AGBL4: variants seen among roughly 807,000 people sequenced by gnomAD.
AGBL4 encodes cytosolic carboxypeptidase 6.
Under a neutral mutation model 66.4 loss-of-function variants are expected in AGBL4, and 58 were observed. The observed-to-expected ratio is 0.87, with a 90% CI of 0.71 to 1.09. The LOEUF (loss-of-function observed/expected upper bound fraction) is 1.09, where lower values mean the gene tolerates loss of function less well. AGBL4 is among the 50% of genes least tolerant of loss of function. The pLI, the probability that AGBL4 is intolerant of heterozygous loss-of-function variation, is 0.00. For missense variants in AGBL4, 579 were observed against 631.0 expected (o/e 0.92, Z 0.88); for synonymous variants, 234 against 222.9 (o/e 1.05, Z -0.44).
intron 3 of AGBL4, among the ~76,000 whole-genome samples, chr1:49,421,713 A>G (rs1645550487): frequency 6.6e-6 from 1 of 152,132 alleles, no homozygotes; most frequent in African/African-American, 2.4e-5. Context: ...TTCTACCTGT[A>G]TTAGTTTGCT....
At chr1:49,283,081 CA>C (rs1644315778) in intron 3 of AGBL4, among the ~76,000 whole-genome samples, 1 of 152,236 alleles carries the variant, frequency 6.6e-6, no homozygotes, top group Non-Finnish European at 1.5e-5. Context: ...CACAGACAAA[CA>C]AAAAGACAGC....
chr1:48,740,036 A>G (rs1649666762), intron 6 of AGBL4, among the ~76,000 whole-genome samples: 1 of 152,250 alleles, frequency 6.6e-6, no homozygotes, highest in Non-Finnish European at 1.5e-5. Flanking sequence ...ACAAAGCAGT[A>G]AGAAATTGAT....
intron 3 of AGBL4, among the ~76,000 whole-genome samples, chr1:49,423,638 C>T (rs1645593289): frequency 6.6e-6 from 1 of 151,814 alleles, no homozygotes; most frequent in South Asian, 2.1e-4. Context: ...GATGAAACCC[C>T]CTCTTTACTA....
intron 4 of AGBL4, among the ~76,000 whole-genome samples, chr1:49,240,551 CTTTTTTTTT>C (rs34162300): frequency 8.1e-6 from 1 of 123,716 alleles, no homozygotes; most frequent in African/African-American, 3.0e-5. Flanking sequence ...ACTGCATTTT[CTTTTTTTTT>C]TTTTTTTTTC....
intron 3 of AGBL4, among the ~76,000 whole-genome samples, chr1:49,376,815 C>A (rs1385145961): frequency 1.3e-5 from 2 of 152,014 alleles, no homozygotes; most frequent in African/African-American, 4.8e-5. Context: ...CACATACTTA[C>A]CACATTGGAT....
chr1:48,630,523 A>G (rs946166751), intron 9 of AGBL4, among the ~76,000 whole-genome samples: 3 of 152,098 alleles, frequency 2.0e-5, no homozygotes, highest in African/African-American at 7.2e-5. Flanking sequence ...TTCCTCTCCC[A>G]TCAGCCACAG....
chr1:48,733,629 T>C (rs993281478), intron 6 of AGBL4, among the ~76,000 whole-genome samples: 5 of 152,204 alleles, frequency 3.3e-5, no homozygotes, highest in East Asian at 1.9e-4. Context: ...CCAAGCCACA[T>C]GCATGGCTGA....
At chr1:49,772,110 T>C (rs1374646630) in intron 2 of AGBL4, among the ~76,000 whole-genome samples, 1 of 152,122 alleles carries the variant, frequency 6.6e-6, no homozygotes, top group Non-Finnish European at 1.5e-5. Flanking sequence ...GGTACTCAGA[T>C]TTGTTTCCAT....
At chr1:49,780,869 A>G (rs973247851) in intron 2 of AGBL4, among the ~76,000 whole-genome samples, 1 of 152,194 alleles carries the variant, frequency 6.6e-6, no homozygotes, top group Non-Finnish European at 1.5e-5. Context: ...ATTCCTATCA[A>G]TAATAACATT....
intron 1 of AGBL4, among the ~76,000 whole-genome samples, chr1:49,872,592 G>A (rs1646864226): frequency 3.3e-5 from 5 of 152,056 alleles, no homozygotes; most frequent in Admixed American, 3.3e-4. Flanking sequence ...ACAGGTATCT[G>A]CAGGCACAGA....
chr1:48,769,997 G>A (rs1396048458), intron 6 of AGBL4, among the ~76,000 whole-genome samples: 2 of 152,114 alleles, frequency 1.3e-5, no homozygotes, highest in African/African-American at 4.8e-5. Context: ...ATAGTGCAGG[G>A]TTCCATCCTA....
Position 49,063,600 on chromosome 1 carries a change from T to C in AGBL4, c.378-17800A>G, listed in dbSNP as rs568128219. 5.9e-5 allele frequency among the ~76,000 whole-genome samples: 9 copies of C among 152,362 alleles called. No individual in the cohort carries two copies. The South Asian group carries it at 1.9e-3, about 32-fold the overall frequency. On this transcript the variant is annotated intron_variant, in intron 4 of 13. Coordinates refer to ENST00000371839, the MANE Select transcript of AGBL4 (RefSeq NM_032785.4). ...AAATTAGTTTATAAAACAAGGTTTC[T>C]GTTTTTATGGGCGAGAACAAATATA...
At chr1:48,791,529 T>A (rs1645550061) in intron 6 of AGBL4, among the ~76,000 whole-genome samples, 1 of 152,180 alleles carries the variant, frequency 6.6e-6, no homozygotes, top group African/African-American at 2.4e-5. Context: ...TAAGCATAGC[T>A]GAGGTAGTCT....
At chr1:49,574,478 G>A (rs949957864) in intron 3 of AGBL4, among the ~76,000 whole-genome samples, 1 of 152,132 alleles carries the variant, frequency 6.6e-6, no homozygotes, top group African/African-American at 2.4e-5. Flanking sequence ...TTGGTATAGT[G>A]GACTGGATTA....
chr1:48,554,325 GCCTTGGGCAGGTCACTGAC>G (rs776673447), intron 11 of AGBL4, among the ~76,000 whole-genome samples: 2 of 152,154 alleles, frequency 1.3e-5, no homozygotes, highest in Non-Finnish European at 2.9e-5. Context: ...AATGCTGTAT[GCCTTGGGCAGGTCACTGAC>G]CCACTCCTGG....
At chr1:49,761,591 G>T (rs1652320869) in intron 2 of AGBL4, among the ~76,000 whole-genome samples, 1 of 152,106 alleles carries the variant, frequency 6.6e-6, no homozygotes, top group African/African-American at 2.4e-5. Flanking sequence ...TGTAATTGTA[G>T]ATATTTATGC....
intron 1 of AGBL4, among the ~76,000 whole-genome samples, chr1:49,905,828 T>C (rs1270872831): frequency 6.6e-6 from 1 of 152,122 alleles, no homozygotes; most frequent in South Asian, 2.1e-4. Context: ...ATATATGAAC[T>C]GTATATATTA....
intron 11 of AGBL4, among the ~76,000 whole-genome samples, chr1:48,558,039 G>T (rs1372909964): frequency 6.6e-6 from 1 of 152,096 alleles, no homozygotes; most frequent in Non-Finnish European, 1.5e-5. Flanking sequence ...TTAGATAAGT[G>T]GGTCATCCAC....
chr1:49,289,052 A>G (rs1301349970), intron 3 of AGBL4, among the ~76,000 whole-genome samples: 2 of 151,980 alleles, frequency 1.3e-5, no homozygotes, highest in African/African-American at 4.8e-5. Flanking sequence ...AGAGGAAGGA[A>G]CCTGACCATC....
Sources: gnomAD v4.1 joint callset for allele counts (sites outside exome capture counted in the v4.1 genomes callset) on GRCh38, gnomAD v4.1.1 for gene constraint, MANE v1.5 for transcripts, NCBI Gene and HGNC (gene_info 2026-07-23, HGNC 2026-07-21) for gene names.